Variants in TMC2 observed in about 807,000 individuals in gnomAD.
TMC2 encodes transmembrane channel-like protein 2.
In TMC2, 102 loss-of-function variants were observed where a neutral mutation model predicts 105.9. The observed-to-expected ratio is 0.96, with a 90% CI of 0.82 to 1.14. The LOEUF (loss-of-function observed/expected upper bound fraction) is 1.14, where lower values mean the gene tolerates loss of function less well. Among genes scored for constraint, TMC2 ranks in the 50% most tolerant of loss-of-function variants. The pLI is 0.00. For synonymous variants in TMC2, 402 were observed against 422.8 expected (o/e 0.95, Z 0.60); for missense variants, 1,093 against 1,134.3 (o/e 0.96, Z 0.52).
At chr20:2,546,164 T>C (rs755588814) in intron 2 of TMC2, among the ~76,000 whole-genome samples, 1 of 152,134 alleles carries the variant, frequency 6.6e-6, no homozygotes, top group Non-Finnish European at 1.5e-5. Flanking sequence ...CCTGACCTAT[T>C]GTGGAGTTGC....
intron 17 of TMC2, among the ~76,000 whole-genome samples, chr20:2,633,922 C>A (rs2086623433): frequency 6.6e-6 from 1 of 152,208 alleles, no homozygotes; most frequent in African/African-American, 2.4e-5. Context: ...GGCTGGCATT[C>A]TCACTGCTTT....
intron 7 of TMC2, among the ~76,000 whole-genome samples, chr20:2,580,897 G>GT (rs1471719281): frequency 6.6e-6 from 1 of 152,194 alleles, no homozygotes; most frequent in Non-Finnish European, 1.5e-5. Flanking sequence ...ATGGCTTAGG[G>GT]TCTTTTCCAA....
Position 2,582,235 on chromosome 20 carries a change from A to G in TMC2, c.834+2179A>G, listed in dbSNP as rs146751023. ...GGTGTCTCAAGATGCCTTCTTATTTAGGATGATGGGAAATTGGCCATATGG... is the reference window on the plus strand; with the variant it reads ...GGTGTCTCAAGATGCCTTCTTATTTGGGATGATGGGAAATTGGCCATATGG... On this transcript the variant is annotated intron_variant, in intron 7 of 19. Coordinates refer to ENST00000358864, the MANE Select transcript of TMC2 (RefSeq NM_080751.3). Among the ~76,000 whole-genome samples the G allele has an allele frequency of 1.1e-3, 175 of 152,318 alleles. 2 individuals carry two copies. Among genetic ancestry groups the G allele is most frequent in the Middle Eastern group, 3.4e-3 (1 of 294 alleles).
chr20:2,639,190 C>T (rs557231269), intron 19 of TMC2, among the ~76,000 whole-genome samples: 82 of 152,264 alleles, frequency 5.4e-4, no homozygotes, highest in African/African-American at 1.9e-3. Flanking sequence ...CCACCGCGTC[C>T]GGCCTAGAAA....
chr20:2,539,231 G>C (rs4815296), intron 2 of TMC2, among the ~76,000 whole-genome samples: 51,319 of 152,084 alleles, frequency 0.34, 9,995 homozygotes, highest in South Asian at 0.44. Flanking sequence ...TGCATTATGT[G>C]GAGTCTGTTG....
chr20:2,588,015 C>G (rs750557559), intron 7 of TMC2, among the ~76,000 whole-genome samples: 9 of 150,098 alleles, frequency 6.0e-5, no homozygotes, highest in Non-Finnish European at 1.0e-4. Context: ...TGTATAATCC[C>G]CCCCCCCTTT....
At chr20:2,561,760 G>C in intron 3 of TMC2, 98 bp from the exon 4 acceptor site, 12 of 1,412,096 alleles carry the variant, frequency 8.5e-6, no homozygotes, top group Non-Finnish European at 1.2e-5. Context: ...GCAGGGGAAG[G>C]GGTGCCATCT....
At chr20:2,538,154 G>A (rs2085864011) in intron 2 of TMC2, among the ~76,000 whole-genome samples, 1 of 152,056 alleles carries the variant, frequency 6.6e-6, no homozygotes, top group Non-Finnish European at 1.5e-5. Context: ...TGCCCTTTCC[G>A]CTCCTGTGAC....
intron 17 of TMC2, among the ~76,000 whole-genome samples, chr20:2,630,949 A>G (rs769725833): frequency 1.3e-5 from 2 of 152,368 alleles, no homozygotes; most frequent in South Asian, 2.1e-4. Context: ...ACATTTAATT[A>G]CCAATAAGTT....
intron 10 of TMC2, among the ~76,000 whole-genome samples, chr20:2,601,215 T>C (rs2086349540): frequency 6.6e-6 from 1 of 152,260 alleles, no homozygotes; most frequent in Non-Finnish European, 1.5e-5. Flanking sequence ...AAATCCAGCC[T>C]GCTGCCTACT....
At chr20:2,587,130 G>A (rs1190758178) in intron 7 of TMC2, among the ~76,000 whole-genome samples, 1 of 151,962 alleles carries the variant, frequency 6.6e-6, no homozygotes, top group Non-Finnish European at 1.5e-5. Flanking sequence ...AATATTACTT[G>A]TATTCTACAA....
At position 2,592,518 on chromosome 20, in the gene TMC2, TA is replaced by T; in HGVS notation, c.933+111del. On this transcript the variant is annotated intron_variant, in intron 8 of 19. Transcript: ENST00000358864. This position sits in a 1 kb window ranked among gnomAD's most constrained non-coding sequence, Gnocchi z 4.9. ...AATTATTGAAAAACCATTGCTTTAA[TA>T]GGATCCCAGCACTAAGCTAAATGAG... is the stretch of plus-strand genomic sequence containing the variant. 5.0e-6 allele frequency: 4 copies of T among 794,852 alleles called. No homozygotes were observed. The South Asian group carries it at 6.1e-5, about 12-fold the overall frequency. The allele number at this position is 794,852 out of a possible 1,614,324, so 49.2% of individuals were successfully genotyped here. A position where few individuals can be genotyped will look rare whatever the true frequency, so the allele number is the denominator to read the frequency against.
intron 5 of TMC2, among the ~76,000 whole-genome samples, chr20:2,574,826 A>G (rs1246920405): frequency 6.6e-6 from 1 of 152,098 alleles, no homozygotes; most frequent in South Asian, 2.1e-4. Context: ...CCCAGGTTCA[A>G]GCAATTCTCC....
At chr20:2,539,013 C>T (rs563533689) in intron 2 of TMC2, among the ~76,000 whole-genome samples, 1 of 152,314 alleles carries the variant, frequency 6.6e-6, no homozygotes, top group East Asian at 1.9e-4. Context: ...AACTCTCCCT[C>T]CTCCTGTATC....
At chr20:2,540,654 C>G (rs866575171) in intron 2 of TMC2, among the ~76,000 whole-genome samples, 1 of 87,868 alleles carries the variant, frequency 1.1e-5, no homozygotes, top group African/African-American at 4.8e-5. Context: ...GAGAGGGACT[C>G]TCAAAAAAAA....
intron 2 of TMC2, among the ~76,000 whole-genome samples, chr20:2,551,428 G>A (rs1395888928): frequency 2.0e-5 from 3 of 150,288 alleles, no homozygotes; most frequent in African/African-American, 7.3e-5. Flanking sequence ...TCTTCACAGT[G>A]TCTTTTGCAG....
intron 17 of TMC2, among the ~76,000 whole-genome samples, chr20:2,635,074 G>A (rs1216553980): frequency 6.6e-6 from 1 of 152,216 alleles, no homozygotes; most frequent in East Asian, 1.9e-4. Context: ...TAAAAAGCTA[G>A]CAGATAATAG....
rs528807663 is a variant in TMC2 at position 2,617,498 on chromosome 20, C to T, written c.2180+187C>T. The T allele has an allele frequency of 1.7e-4, 132 of 762,284 alleles. 1 individual carries two copies. In the South Asian group the frequency reaches 2.2e-3, roughly 13 times the overall value. The allele number at this position is 762,284 out of a possible 1,614,324, so 47.2% of individuals were successfully genotyped here. ...GAAATGTTAGGTCGTTCTGTGTCTG[C>T]GCTGTTCATTTCAGTAGCCACCAGC... On this transcript the variant is annotated intron_variant, in intron 16 of 19. Coordinates refer to ENST00000358864, the MANE Select transcript of TMC2 (RefSeq NM_080751.3).
chr20:2,641,051 A>G (rs1472019659), intron 19 of TMC2, 83 bp from the exon 20 acceptor site: 4 of 1,211,386 alleles, frequency 3.3e-6, no homozygotes, highest in Non-Finnish European at 4.8e-6. Flanking sequence ...ACCTACACAC[A>G]CCGCAGGGCG....
Sources: gnomAD v4.1 joint callset for allele counts (sites outside exome capture counted in the v4.1 genomes callset) on GRCh38, gnomAD v4.1.1 for gene constraint, Gnocchi (gnomAD v3.1) non-coding constraint, MANE v1.5 for transcripts, NCBI Gene and HGNC (gene_info 2026-07-23, HGNC 2026-07-21) for gene names.